The following XAF1 variants were observed in gnomAD, a reference collection of about 807,000 sequenced individuals.
XAF1 encodes XIAP associated factor 1.
XAF1 carries 32 observed loss-of-function variants against 32.3 expected under a neutral mutation model. That is an observed-to-expected ratio of 0.99 (90% CI 0.75 to 1.33). XAF1 has a LOEUF of 1.33. XAF1 is among the 40% of genes most tolerant of loss of function. The probability of loss-of-function intolerance (pLI) is 0.00; values close to 1 mark genes in which losing one functional copy is unlikely to be tolerated. For missense variants in XAF1, 379 were observed against 366.0 expected (o/e 1.04, Z -0.29); for synonymous variants, 120 against 125.9 (o/e 0.95, Z 0.31).
intron 1 of XAF1, chr17:6,756,350 T>C: frequency 7.7e-7 from 1 of 1,301,400 alleles, no homozygotes; most frequent in Non-Finnish European, 1.0e-6. Context: ...TTAGGCTTTC[T>C]GGGACAGTTC....
At chr17:6,764,124 C>T (rs1291005887) in intron 5 of XAF1, among the ~76,000 whole-genome samples, 1 of 152,178 alleles carries the variant, frequency 6.6e-6, no homozygotes, top group African/African-American at 2.4e-5. Context: ...CTGCTGTGCC[C>T]CTTACTGGCT....
At chr17:6,760,704 G>C in intron 4 of XAF1, 103 bp downstream of exon 4, 1 of 1,148,066 alleles carries the variant, frequency 8.7e-7, no homozygotes, top group Non-Finnish European at 1.2e-6. Context: ...GATGACAAGT[G>C]TATTTGCTGT....
intron 5 of XAF1, among the ~76,000 whole-genome samples, chr17:6,763,259 C>T (rs1975353485): frequency 6.6e-6 from 1 of 152,198 alleles, no homozygotes; most frequent in Non-Finnish European, 1.5e-5. Context: ...CTTACCGTAA[C>T]ATTTTCAAGG....
At chr17:6,761,599 T>C in intron 4 of XAF1, 1 of 290,620 alleles carries the variant, frequency 3.4e-6, no homozygotes, top group African/African-American at 2.2e-5. Flanking sequence ...TGATAAACAA[T>C]CCACCCAAGG....
chr17:6,755,875 A>G (rs1974614002), upstream of XAF1: 1 of 1,395,880 alleles, frequency 7.2e-7, no homozygotes, highest in Non-Finnish European at 9.3e-7. Context: ...AATGACGGCC[A>G]AGGGCGACAG....
chr17:6,765,060 C>G (rs1451659477), intron 5 of XAF1, among the ~76,000 whole-genome samples: 1 of 152,164 alleles, frequency 6.6e-6, no homozygotes, highest in African/African-American at 2.4e-5. Context: ...AGTCTCTGGT[C>G]TCTTCTCTAC....
At chr17:6,773,008 C>T (rs1211650199) in intron 6 of XAF1, 105 bp from the exon 7 acceptor site, 5 of 991,494 alleles carry the variant, frequency 5.0e-6, no homozygotes, top group Non-Finnish European at 6.0e-6. Context: ...AGTCTTTGGG[C>T]AGGGCTCATG....
rs761387937 is a variant in XAF1 at position 6,760,423 on chromosome 17, GCGCCC to G, written c.244_248del (p.Arg82CysfsTer2). The stretch of plus-strand genomic sequence containing the variant: ...TCCCACAGGCCAATGAGTGCCAGGA[GCGCCC>G]TGTTGAGTGTAAGTTCTGCAAACTG... On this transcript the variant is annotated frameshift_variant, in exon 4 of 7. Coordinates refer to ENST00000361842, the MANE Select transcript of XAF1 (RefSeq NM_017523.5). LOFTEE classifies it high-confidence loss of function. 8 of 1,612,276 alleles carry G rather than the reference GCGCCC, an allele frequency of 5.0e-6. No individual in the cohort carries two copies. Among genetic ancestry groups the G allele is most frequent in the Non-Finnish European group, 6.8e-6 (8 of 1,179,474 alleles).
Position 6,759,629 on chromosome 17 carries a change from GGTGTGTGT to G in XAF1, c.169-12_169-5del, listed in dbSNP as rs3833979. The G allele has an allele frequency of 7.7e-5, 117 of 1,512,406 alleles. No homozygotes were observed. In the African/African-American group the frequency reaches 1.1e-3, roughly 14 times the overall value. 93.7% of individuals were successfully genotyped at this position (1,512,406 alleles called of 1,614,324 possible). On this transcript the variant is annotated intron_variant, in intron 2 of 6. Coordinates refer to ENST00000361842, the MANE Select transcript of XAF1 (RefSeq NM_017523.5). ...CTGGGTGCTGGGTGGACCCACATCT[GGTGTGTGT>G]GTGTGTGTGTGTGTGTGTGTTTAGG...
At position 6,758,751 on chromosome 17, in the gene XAF1, G is replaced by T. The variant is rs568996200; in HGVS notation, c.168+527G>T. The T allele has an allele frequency of 1.1e-3, 303 of 269,026 alleles. 3 individuals are homozygous for T. Among genetic ancestry groups the T allele is most frequent in the African/African-American group, 6.8e-3 (270 of 39,760 alleles). The allele number at this position is 269,026 out of a possible 1,614,324, so 16.7% of individuals were successfully genotyped here. ...GGGGTCTGAGAGTTGGGGGACGAGG[G>T]TCTAGTCCTCCCTGCAGGTGAGATG... On this transcript the variant is annotated intron_variant, in intron 2 of 6. Transcript: ENST00000361842.
chr17:6,770,461 C>T (rs996278455), intron 5 of XAF1, among the ~76,000 whole-genome samples, 182 bp from the exon 6 acceptor site: 2 of 152,158 alleles, frequency 1.3e-5, no homozygotes, highest in Non-Finnish European at 2.9e-5. Flanking sequence ...ACCTTCATTC[C>T]TGGAATGCAA....
intron 6 of XAF1, 76 bp downstream of exon 6, chr17:6,771,060 A>T: frequency 3.3e-6 from 5 of 1,506,198 alleles, no homozygotes; most frequent in Non-Finnish European, 4.5e-6. Context: ...AAGACCTGAA[A>T]GATGTTCACA....
intron 5 of XAF1, among the ~76,000 whole-genome samples, chr17:6,769,394 C>T (rs1975853979): frequency 6.6e-6 from 1 of 152,010 alleles, no homozygotes; most frequent in South Asian, 2.1e-4. Flanking sequence ...ACATTGTACC[C>T]CATAAATATA....
At chr17:6,758,538 G>A (rs1052237436) in intron 2 of XAF1, 2 of 433,880 alleles carry the variant, frequency 4.6e-6, no homozygotes, top group Non-Finnish European at 8.6e-6. Context: ...AGGACAGATG[G>A]GGTCTGAGAG....
chr17:6,763,101 A>G (rs1020977376), intron 5 of XAF1, among the ~76,000 whole-genome samples: 3 of 152,152 alleles, frequency 2.0e-5, no homozygotes, highest in African/African-American at 7.2e-5. Flanking sequence ...GAAATCCTAT[A>G]CCCATTAGCA....
rs775948199 is a variant in XAF1 at position 6,758,118 on chromosome 17, C to G, written c.62C>G (p.Thr21Ser). The G allele has an allele frequency of 1.2e-4, 187 of 1,614,118 alleles. No individual in the cohort carries two copies. Among genetic ancestry groups the G allele is most frequent in the Non-Finnish European group, 1.5e-4 (175 of 1,180,052 alleles). ...AGACATGTAGTCTCTGCCAACTTCACCCTCCATGAGGCTTACTGCCTGCGG... is the reference window on the plus strand; with the variant it reads ...AGACATGTAGTCTCTGCCAACTTCAGCCTCCATGAGGCTTACTGCCTGCGG... ...CKRHVVSANF[T>S]LHEAYCLRFL... Residue 21 changes from threonine to serine, a missense_variant, in exon 2 of 7, where the codon ACC becomes AGC. Physicochemically the swap from Thr to Ser is moderately conservative, Grantham distance 58 (BLOSUM62 1). Coordinates refer to ENST00000361842, the MANE Select transcript of XAF1 (RefSeq NM_017523.5).
intron 5 of XAF1, among the ~76,000 whole-genome samples, chr17:6,769,555 G>A (rs1209487338): frequency 1.3e-5 from 2 of 151,908 alleles, no homozygotes; most frequent in Non-Finnish European, 1.5e-5. Flanking sequence ...GAACTTCTTG[G>A]AGGCTAATCT....
rs751036670 is a variant in XAF1, at chr17:6,759,672, C to T, written c.179C>T (p.Thr60Met). 3.5e-5 allele frequency: 56 copies of T among 1,612,608 alleles called. No individual in the cohort carries two copies. Among genetic ancestry groups the T allele is most frequent in the African/African-American group, 8.1e-5 (6 of 74,344 alleles). ...CKLEHQQVGCTMCQQSMQKSS... is the reference protein window; with the variant it reads ...CKLEHQQVGCMMCQQSMQKSS... Reference sequence around the variant, plus strand: ...TGTGTGTGTGTTTAGGTTGGGTGTACGATGTGTCAGCAGAGCATGCAGAAG... The same window carrying T: ...TGTGTGTGTGTTTAGGTTGGGTGTATGATGTGTCAGCAGAGCATGCAGAAG... The change falls in exon 3 of 7, where the codon ACG becomes ATG. Residue 60 changes from threonine to methionine, a missense_variant. Coordinates refer to ENST00000361842, the MANE Select transcript of XAF1 (RefSeq NM_017523.5).
intron 3 of XAF1, among the ~76,000 whole-genome samples, chr17:6,760,082 G>A (rs1292075086): frequency 1.3e-5 from 2 of 152,210 alleles, no homozygotes; most frequent in Non-Finnish European, 2.9e-5. Context: ...AGGCGCAGTG[G>A]CACACGCCTG....
Sources: gnomAD v4.1 joint callset for allele counts (sites outside exome capture counted in the v4.1 genomes callset) on GRCh38, gnomAD v4.1.1 for gene constraint, MANE v1.5 for transcripts, NCBI Gene and HGNC (gene_info 2026-07-23, HGNC 2026-07-21) for gene names.